The following THAP6 variants were observed in gnomAD, a reference collection of about 807,000 sequenced individuals.
THAP6 encodes THAP domain-containing protein 6.
A neutral mutation model predicts 20.0 loss-of-function variants in THAP6; 13 were observed. The ratio of observed to expected loss-of-function variants is 0.65; its 90% CI spans 0.42 to 1.03. The LOEUF is 1.03. THAP6 is among the 50% of genes least tolerant of loss of function. The pLI is 0.00. For synonymous variants in THAP6, 93 were observed against 92.2 expected (o/e 1.01, Z -0.05); for missense variants, 262 against 261.6 (o/e 1.00, Z -0.01).
intron 4 of THAP6, 128 bp downstream of exon 4, chr4:75,521,989 G>A: frequency 8.9e-7 from 1 of 1,120,570 alleles, no homozygotes; most frequent in Non-Finnish European, 1.3e-6. Flanking sequence ...AAATAATATT[G>A]CTTCCTAGAG....
chr4:75,522,872 C>T (rs1379645215), intron 4 of THAP6, among the ~76,000 whole-genome samples: 1 of 151,964 alleles, frequency 6.6e-6, no homozygotes, highest in Non-Finnish European at 1.5e-5. Context: ...TTCCAAATAT[C>T]GGCTATTGTG....
chr4:75,526,832 A>G, intron 4 of THAP6, 128 bp from the exon 5 acceptor site: 1 of 1,382,834 alleles, frequency 7.2e-7, no homozygotes, highest in Non-Finnish European at 9.6e-7. Flanking sequence ...TGTGTTCCTT[A>G]AACCTCTATC....
downstream of THAP6, among the ~76,000 whole-genome samples, chr4:75,530,442 T>C (rs540884466): frequency 6.6e-6 from 1 of 152,342 alleles, no homozygotes; most frequent in South Asian, 2.1e-4. Context: ...CCCAAAATTT[T>C]ACTGATGTTT....
At chr4:75,539,916 T>C in intron 2 of THAP6, 2 of 1,535,958 alleles carry the variant, frequency 1.3e-6, no homozygotes, top group Non-Finnish European at 1.7e-6. Flanking sequence ...AAGAGAGAAA[T>C]GCATTTCATA....
In THAP6 at chr4:75,521,790, G is replaced by A. The variant is rs1726049958; in HGVS notation, c.343G>A (p.Ala115Thr). ...RKNFTLKTVP[A>T]TNYNHHLVGA... ...AAACTTCACCCTCAAAACCGTTCCA[G>A]CCACTAACTACAATCACCATCTTGT... The change falls in exon 4 of 5, where the codon GCC becomes ACC. Residue 115 changes from alanine (A) to threonine (T), a missense_variant. By Grantham distance (58) the Ala-to-Thr change is moderately conservative. Transcript: ENST00000311638. 6.2e-7 allele frequency: 1 copy of A among 1,613,196 alleles called. No homozygotes were observed. The highest frequency in any genetic ancestry group is 8.5e-7 in the Non-Finnish European group (1 of 1,179,532).
intron 2 of THAP6, chr4:75,539,927 G>A: frequency 6.5e-7 from 1 of 1,536,058 alleles, no homozygotes; most frequent in Non-Finnish European, 8.7e-7. Flanking sequence ...GCATTTCATA[G>A]GGAATGGCAA....
chr4:75,543,620 G>C (rs1347707185), intron 3 of THAP6, among the ~76,000 whole-genome samples: 1 of 152,214 alleles, frequency 6.6e-6, no homozygotes, highest in East Asian at 1.9e-4. Flanking sequence ...TGCTATGATT[G>C]GCAGTCATAG....
chr4:75,516,705 G>A (rs1725670485), intron 2 of THAP6, 67 bp from the exon 3 acceptor site: 1 of 1,354,568 alleles, frequency 7.4e-7, no homozygotes, highest in Middle Eastern at 2.0e-4. Context: ...GTTGTATAAG[G>A]CAGCTTTAAT....
chr4:75,524,256 T>C (rs1453143947), intron 4 of THAP6, among the ~76,000 whole-genome samples: 1 of 152,250 alleles, frequency 6.6e-6, no homozygotes, highest in African/African-American at 2.4e-5. Context: ...GTGCTATTGC[T>C]GTCATGCATT....
chr4:75,536,184 A>T (rs886494377), intron 2 of THAP6, among the ~76,000 whole-genome samples: 1 of 152,218 alleles, frequency 6.6e-6, no homozygotes, highest in Admixed American at 6.5e-5. Flanking sequence ...TAAAACCCAG[A>T]CTGGGCACAG....
chr4:75,514,215 G>C (rs1251635227), upstream of THAP6: 1 of 1,612,922 alleles, frequency 6.2e-7, no homozygotes, highest in Non-Finnish European at 8.5e-7. Context: ...GACATCCTCT[G>C]TCATAGTGCT....
downstream of THAP6, among the ~76,000 whole-genome samples, chr4:75,534,518 T>C: frequency 6.6e-6 from 1 of 152,186 alleles, no homozygotes; most frequent in Non-Finnish European, 1.5e-5. Flanking sequence ...ACTTCATGTC[T>C]AAATCACCAA....
chr4:75,533,113 C>T (rs1372507252), downstream of THAP6, among the ~76,000 whole-genome samples: 3 of 152,150 alleles, frequency 2.0e-5, no homozygotes, highest in Non-Finnish European at 4.4e-5. Flanking sequence ...GCTCTCCTTT[C>T]CTTATAAAAC....
chr4:75,543,653 A>G (rs1248458018), intron 3 of THAP6, among the ~76,000 whole-genome samples: 1 of 152,240 alleles, frequency 6.6e-6, no homozygotes, highest in Admixed American at 6.5e-5. Flanking sequence ...TCCTGGAACC[A>G]AGAGAGTAGA....
rs142475918 is a variant in THAP6, at chr4:75,528,401, C to T, written c.*1187C>T. On this transcript the variant is annotated 3_prime_UTR_variant, in exon 5 of 5. Coordinates refer to ENST00000311638, the MANE Select transcript of THAP6 (RefSeq NM_144721.6). ...ATAAAAACCATTTGCCAAAGCAACA[C>T]TCTACTTAGAAGCACATGTACATAC... 1.7e-4 allele frequency: 164 copies of T among 985,414 alleles called. 2 individuals carry two copies. The East Asian group carries it at 0.014, about 84-fold the overall frequency. The allele number at this position is 985,414 out of a possible 1,614,324, so 61.0% of individuals were successfully genotyped here.
At chr4:75,523,715 C>T (rs770610874) in intron 4 of THAP6, among the ~76,000 whole-genome samples, 2 of 149,844 alleles carry the variant, frequency 1.3e-5, no homozygotes, top group Non-Finnish European at 3.0e-5. Flanking sequence ...GTGGGAGGAT[C>T]GCTTGAGCCC....
chr4:75,519,341 A>C (rs1181185126), intron 3 of THAP6, among the ~76,000 whole-genome samples: 1 of 146,360 alleles, frequency 6.8e-6, no homozygotes, highest in Non-Finnish European at 1.5e-5. Context: ...TTTTTTTTTA[A>C]TTATGCTTTA....
intron 2 of THAP6, among the ~76,000 whole-genome samples, chr4:75,539,372 C>A (rs564366380): frequency 6.6e-6 from 1 of 152,096 alleles, no homozygotes; most frequent in Non-Finnish European, 1.5e-5. Context: ...AAGCCCCATA[C>A]GATAGTGTGA....
chr4:75,525,884 CT>C (rs1726333677), intron 4 of THAP6, among the ~76,000 whole-genome samples: 1 of 152,198 alleles, frequency 6.6e-6, no homozygotes, highest in Non-Finnish European at 1.5e-5. Flanking sequence ...CTCCTAATCT[CT>C]GGTTGTTCTT....
Sources: gnomAD v4.1 joint callset for allele counts (sites outside exome capture counted in the v4.1 genomes callset) on GRCh38, gnomAD v4.1.1 for gene constraint, MANE v1.5 for transcripts, NCBI Gene and HGNC (gene_info 2026-07-23, HGNC 2026-07-21) for gene names.